TTLL4: variants seen among roughly 807,000 people sequenced by gnomAD.
The protein encoded by TTLL4 is tubulin monoglutamylase TTLL4.
TTLL4 carries 85 observed loss-of-function variants against 122.7 expected under a neutral mutation model. The ratio of observed to expected loss-of-function variants is 0.69; its 90% CI spans 0.58 to 0.83. TTLL4 has a LOEUF of 0.83. Among genes scored for constraint, TTLL4 ranks in the 40% least tolerant of loss-of-function variants. The probability of loss-of-function intolerance (pLI) is 0.00; values close to 1 mark genes in which losing one functional copy is unlikely to be tolerated. For synonymous variants in TTLL4, 553 were observed against 563.0 expected, an observed-to-expected ratio of 0.98 and a Z score of 0.25; for missense variants, 1,363 against 1,488.6, an observed-to-expected ratio of 0.92 and a Z score of 1.39.
chr2:218,728,587 A>C (rs1441773886), intron 2 of TTLL4, among the ~76,000 whole-genome samples: 1 of 152,180 alleles, frequency 6.6e-6, no homozygotes, highest in Non-Finnish European at 1.5e-5. Context: ...GTGGCCCAAG[A>C]GTTGGGGACC....
chr2:218,722,383 GAAATAT>G (rs1942070983), intron 1 of TTLL4, among the ~76,000 whole-genome samples: 1 of 151,332 alleles, frequency 6.6e-6, no homozygotes, highest in African/African-American at 2.4e-5. Context: ...CAAGTGTAAG[GAAATAT>G]AAATATATAA....
chr2:218,714,080 G>A (rs1401263699), intron 1 of TTLL4, among the ~76,000 whole-genome samples: 3 of 152,164 alleles, frequency 2.0e-5, no homozygotes, highest in African/African-American at 7.2e-5. Context: ...GAGAATATAG[G>A]AGGTGGTTGA....
Position 218,748,108 on chromosome 2 carries a change from T to C in TTLL4, c.2382T>C (p.Tyr794=), listed in dbSNP as rs777742997. 8.3e-5 allele frequency: 134 copies of C among 1,614,044 alleles called. No homozygotes were observed. The highest frequency in any genetic ancestry group is 1.1e-4 in the Non-Finnish European group (130 of 1,180,010). The change falls in exon 12 of 20, where the codon TAT becomes TAC. Residue 794 remains tyrosine (Y), a synonymous_variant. Transcript: ENST00000392102. ...DGLVRFASCK[Y]SPSMKSLGNK... is the part of the protein sequence containing the mutation. ...CCTTTTGTTTCCTTACTTCCAGGTATTCGCCTTCCATGAAGAGCCTTGGCA... is the reference window on the plus strand; with the variant it reads ...CCTTTTGTTTCCTTACTTCCAGGTACTCGCCTTCCATGAAGAGCCTTGGCA...
At chr2:218,724,235 TA>T (rs979953389) in intron 1 of TTLL4, among the ~76,000 whole-genome samples, 6 of 152,038 alleles carry the variant, frequency 3.9e-5, no homozygotes, top group South Asian at 4.1e-4. Flanking sequence ...ATTGCAAAAT[TA>T]AAAAAAAATT....
chr2:218,745,434 C>A, intron 6 of TTLL4: 1 of 686,996 alleles, frequency 1.5e-6, no homozygotes, highest in Non-Finnish European at 2.4e-6. Context: ...CCTTTTCAGC[C>A]TTGCCATGTC....
Position 218,738,682 on chromosome 2 carries a change from T to G in TTLL4, c.1006T>G (p.Phe336Val). The change falls in exon 3 of 20, where the codon TTC becomes GTC. Residue 336 changes from phenylalanine (F) to valine (V), a missense_variant. Physicochemically the swap from Phe to Val is conservative, Grantham distance 50. This residue lies in a region of TTLL4 where 760 missense variants were observed against 808.4 expected (regional missense o/e 0.94). Coordinates refer to ENST00000392102, the MANE Select transcript of TTLL4 (RefSeq NM_014640.5). ...DSQDPTKEIR[F>V]TEAVRKLTAR... ...CCAGGATCCAACTAAGGAGATTCGG[T>G]TCACTGAGGCCGTGAGGAAATTGAC... 1.2e-6 allele frequency: 2 copies of G among 1,614,184 alleles called. No individual in the cohort carries two copies. Among genetic ancestry groups the G allele is most frequent in the Non-Finnish European group, 1.7e-6 (2 of 1,180,038 alleles).
chr2:218,745,906 G>A (rs2106449336), intron 7 of TTLL4, 105 bp downstream of exon 7: 2 of 1,089,416 alleles, frequency 1.8e-6, no homozygotes, highest in Non-Finnish European at 1.4e-6. Context: ...GGGCAGCTGG[G>A]GCCCTCTCCT....
chr2:218,718,210 G>GA (rs1941925070), intron 1 of TTLL4, among the ~76,000 whole-genome samples: 1 of 152,278 alleles, frequency 6.6e-6, no homozygotes, highest in East Asian at 1.9e-4. Flanking sequence ...GTTGAAGGAG[G>GA]AAAGGGAAAC....
rs747196618 is a variant in TTLL4, at chr2:218,747,125, G to T, written c.2097G>T (p.Leu699=). The change falls in exon 9 of 20, where the codon CTG becomes CTT. Residue 699 remains leucine (L), a synonymous_variant. Transcript: ENST00000392102. The surrounding 1 kb of genome is among the most constrained non-coding windows in gnomAD (Gnocchi z 4.7). ...GTTTCTTCCCCCAGTCCTTTATCCT[G>T]CCCCAGGACGCCAAGCTCCTGCGCA... ...EFSFFPQSFI[L]PQDAKLLRKA... The T allele has an allele frequency of 5.6e-6, 9 of 1,614,188 alleles. No homozygotes were observed. The Admixed American group carries it at 1.5e-4, about 27-fold the overall frequency.
At chr2:218,746,463 G>T (rs1463373965) in intron 8 of TTLL4, 2 of 555,268 alleles carry the variant, frequency 3.6e-6, no homozygotes, top group Non-Finnish European at 6.4e-6. Flanking sequence ...GTAGGGGGCA[G>T]CTGAGTCCCT....
chr2:218,748,282 TG>T, intron 12 of TTLL4, 55 bp downstream of exon 12: 1 of 1,606,144 alleles, frequency 6.2e-7, no homozygotes, highest in Non-Finnish European at 8.5e-7. Flanking sequence ...TACAGGGTTC[TG>T]GGGTTTTGGG....
At chr2:218,754,030 A>G in intron 19 of TTLL4, 104 bp from the exon 20 acceptor site, 1 of 1,513,768 alleles carries the variant, frequency 6.6e-7, no homozygotes, top group Non-Finnish European at 8.9e-7. Flanking sequence ...GGCCTACAAC[A>G]CTGTAATGTC....
intron 1 of TTLL4, among the ~76,000 whole-genome samples, chr2:218,721,201 C>G (rs1032956579): frequency 6.6e-6 from 1 of 151,666 alleles, no homozygotes. Context: ...TGATCAAACC[C>G]CATGGGGGGG....
chr2:218,712,740 G>C (rs1191912460), intron 1 of TTLL4, among the ~76,000 whole-genome samples: 2 of 152,112 alleles, frequency 1.3e-5, no homozygotes, highest in African/African-American at 4.8e-5. Flanking sequence ...AGGAGGCTGT[G>C]TGTGGCAAAT....
chr2:218,750,934 T>A (rs1289960864), intron 15 of TTLL4, among the ~76,000 whole-genome samples: 1 of 152,176 alleles, frequency 6.6e-6, no homozygotes, highest in African/African-American at 2.4e-5. Context: ...AGTTTATATT[T>A]ACTTAGTACC....
intron 2 of TTLL4, among the ~76,000 whole-genome samples, chr2:218,733,087 G>A (rs1942423764): frequency 1.3e-5 from 2 of 152,002 alleles, no homozygotes; most frequent in Middle Eastern, 3.2e-3. Context: ...ACTAACTTTG[G>A]AGCTATTTCC....
At position 218,754,383 on chromosome 2, in the gene TTLL4, C is replaced by G. The variant is rs576734702; in HGVS notation, c.3594C>G (p.Ser1198Arg). 106 of 1,614,144 alleles carry G rather than the reference C, an allele frequency of 6.6e-5. 3 individuals carry two copies. The South Asian group carries it at 1.1e-3, about 17-fold the overall frequency. Residue 1198 changes from serine to arginine, a missense_variant, in exon 20 of 20, where the codon AGC becomes AGG. Physicochemically the swap from Ser to Arg is moderately radical, Grantham distance 110. This residue lies in a region of TTLL4 where 596 missense variants were observed against 655.8 expected (regional missense o/e 0.91). Transcript: ENST00000392102. ...TCAGTGACTCCCTCCTGGCTGTGAGCCCATAACTGGCCTCTCTCCAAAAGC... is the reference window on the plus strand; with the variant it reads ...TCAGTGACTCCCTCCTGGCTGTGAGGCCATAACTGGCCTCTCTCCAAAAGC... Reference protein sequence around the residue: ...QSISDSLLAVSP With the variant: ...QSISDSLLAVRP
At position 218,749,467 on chromosome 2, in the gene TTLL4, C is replaced by G. The variant is rs879078356; in HGVS notation, c.2735+80C>G. 3.9e-6 allele frequency: 5 copies of G among 1,271,416 alleles called. No homozygotes were observed. In the Middle Eastern group the frequency reaches 1.0e-3, roughly 264 times the overall value. 78.8% of individuals were successfully genotyped at this position (1,271,416 alleles called of 1,614,324 possible). A position where few individuals can be genotyped will look rare whatever the true frequency, so the allele number is the denominator to read the frequency against. ...CCCATTGCCACTCCAGTAAGTTGTT[C>G]TTTTTTTTTTTTTTTCTTTGAGATG... On this transcript the variant is annotated intron_variant, in intron 14 of 19. Coordinates refer to ENST00000392102, the MANE Select transcript of TTLL4 (RefSeq NM_014640.5).
chr2:218,740,484 C>A, intron 4 of TTLL4, 37 bp from the exon 5 acceptor site: 1 of 1,610,644 alleles, frequency 6.2e-7, no homozygotes, highest in Non-Finnish European at 8.5e-7. Context: ...GCTGCAGCCT[C>A]TTCTAGTCAG....
Sources: allele counts gnomAD v4.1 joint callset (sites outside exome capture counted in the v4.1 genomes callset), GRCh38; gene constraint gnomAD v4.1.1; regional missense constraint gnomAD v4.1.1; non-coding constraint Gnocchi (gnomAD v3.1); transcripts MANE v1.5; gene names NCBI Gene and HGNC (gene_info 2026-07-23, HGNC 2026-07-21).